OCA2: variants seen among roughly 807,000 people sequenced by gnomAD.
OCA2 encodes P protein.
OCA2 carries 77 observed loss-of-function variants against 100.2 expected under a neutral mutation model. The observed-to-expected ratio is 0.77, with a 90% CI of 0.64 to 0.93. The LOEUF is 0.93. OCA2 is among the 40% of genes least tolerant of loss of function. The pLI is 0.00. For synonymous variants in OCA2, 432 were observed against 439.2 expected (o/e 0.98, Z 0.21); for missense variants, 1,062 against 1,089.1 (o/e 0.98, Z 0.35).
intron 2 of OCA2, 61 bp downstream of exon 2, chr15:28,081,587 C>T (rs574636465): frequency 4.6e-6 from 7 of 1,515,424 alleles, no homozygotes; most frequent in Non-Finnish European, 6.4e-6. Context: ...GGGAACGATG[C>T]TCATGGAAAC....
intron 23 of OCA2, among the ~76,000 whole-genome samples, chr15:27,836,746 A>G (rs1333003731): frequency 6.6e-6 from 1 of 152,248 alleles, no homozygotes; most frequent in East Asian, 1.9e-4. Context: ...CTGTTAGTCA[A>G]TGGTAATGAT....
chr15:28,071,577 A>T (rs1041600213), intron 2 of OCA2, among the ~76,000 whole-genome samples: 1 of 152,188 alleles, frequency 6.6e-6, no homozygotes, highest in African/African-American at 2.4e-5. Context: ...AGACACACAG[A>T]CCACTGGAAC....
At chr15:27,736,011 T>C in the OCA2 span, among the ~76,000 whole-genome samples, 1 of 152,160 alleles carries the variant, frequency 6.6e-6, no homozygotes, top group East Asian at 1.9e-4. Context: ...GATAACTATG[T>C]AAGGTAATAC....
At chr15:27,881,761 T>C (rs1400210268) in intron 19 of OCA2, among the ~76,000 whole-genome samples, 2 of 152,180 alleles carry the variant, frequency 1.3e-5, no homozygotes, top group African/African-American at 4.8e-5. Flanking sequence ...TCTTCTCTCT[T>C]TTCTTCTTTA....
At chr15:27,849,349 T>C (rs2035661445) in intron 22 of OCA2, among the ~76,000 whole-genome samples, 1 of 152,212 alleles carries the variant, frequency 6.6e-6, no homozygotes, top group African/African-American at 2.4e-5. Flanking sequence ...CTCTCCACGC[T>C]CACTTCACTT....
intron 14 of OCA2, among the ~76,000 whole-genome samples, chr15:27,973,822 A>G (rs186948065): frequency 2.0e-5 from 3 of 152,162 alleles, no homozygotes; most frequent in Admixed American, 6.6e-5. Flanking sequence ...TAAGTATGGG[A>G]TGCATTTCCA....
chr15:27,777,667 T>C (rs2032313017), intron 23 of OCA2, among the ~76,000 whole-genome samples: 1 of 152,194 alleles, frequency 6.6e-6, no homozygotes, highest in Non-Finnish European at 1.5e-5. Context: ...ATCAGGGGCT[T>C]ATCAGAGTGG....
chr15:27,839,445 A>G (rs1426394720), intron 23 of OCA2, among the ~76,000 whole-genome samples: 1 of 152,242 alleles, frequency 6.6e-6, no homozygotes. Flanking sequence ...GCAAGTCCCA[A>G]CAGTCTATAT....
intron 14 of OCA2, among the ~76,000 whole-genome samples, chr15:27,977,302 A>C (rs2041002614): frequency 6.6e-6 from 1 of 152,020 alleles, no homozygotes; most frequent in South Asian, 2.1e-4. Flanking sequence ...TTCTGATTCC[A>C]TAGGATAAAG....
chr15:27,973,100 C>G (rs562635657), intron 14 of OCA2, among the ~76,000 whole-genome samples: 11 of 152,168 alleles, frequency 7.2e-5, no homozygotes, highest in African/African-American at 2.7e-4. Flanking sequence ...TAACTCCTGA[C>G]CTGAAGTGAT....
At chr15:27,859,796 G>A (rs142293718) in intron 21 of OCA2, among the ~76,000 whole-genome samples, 11 of 152,242 alleles carry the variant, frequency 7.2e-5, no homozygotes, top group South Asian at 2.1e-4. Flanking sequence ...AGAAAGGAAC[G>A]GAAGGAAGCC....
chr15:27,722,046 C>T, the OCA2 span, among the ~76,000 whole-genome samples: 15 of 152,194 alleles, frequency 9.9e-5, no homozygotes, highest in Non-Finnish European at 1.6e-4. Context: ...CTTAATGCTG[C>T]GTGGACATTT....
chr15:27,767,999 G>A (rs1371160584), intron 23 of OCA2, among the ~76,000 whole-genome samples: 1 of 152,188 alleles, frequency 6.6e-6, no homozygotes, highest in African/African-American at 2.4e-5. Flanking sequence ...GTGGAGGAAG[G>A]GGGAATAGTG....
intron 23 of OCA2, among the ~76,000 whole-genome samples, chr15:27,824,617 T>TATATA (rs1555412067): frequency 7.7e-6 from 1 of 130,112 alleles, no homozygotes; most frequent in Non-Finnish European, 1.6e-5. Context: ...TATATATATA[T>TATATA]ATATAATATA....
At chr15:27,989,865 C>G (rs2041491735) in intron 10 of OCA2, among the ~76,000 whole-genome samples, 199 bp from the exon 11 acceptor site, 1 of 152,170 alleles carries the variant, frequency 6.6e-6, no homozygotes, top group Non-Finnish European at 1.5e-5. Context: ...AATGTCAAAT[C>G]TATGCATTTA....
intron 23 of OCA2, among the ~76,000 whole-genome samples, chr15:27,805,871 A>G (rs1397245351): frequency 1.3e-5 from 2 of 152,168 alleles, no homozygotes; most frequent in African/African-American, 2.4e-5. Flanking sequence ...CGTGGGATTC[A>G]AAGGCCACAG....
At chr15:28,002,029 G>T (rs576135076) in intron 9 of OCA2, among the ~76,000 whole-genome samples, 4 of 152,316 alleles carry the variant, frequency 2.6e-5, no homozygotes, top group Admixed American at 2.6e-4. Flanking sequence ...CACTGACACG[G>T]CAAACACTGG....
rs555395168 is a variant in OCA2, at chr15:27,926,268, A to G, written c.1952-14T>C. 1.2e-5 allele frequency: 20 copies of G among 1,613,876 alleles called. No homozygotes were observed. In the South Asian group the frequency reaches 2.2e-4, roughly 18 times the overall value. On this transcript the variant is annotated splice_polypyrimidine_tract_variant and intron_variant, in intron 18 of 23. Transcript: ENST00000354638. ...TAGCAATCCATCCTGAAAATAAGTA[A>G]ATAGACATAGAGATATAGTTCCACT... is the stretch of plus-strand genomic sequence containing the variant.
At chr15:27,877,270 A>G (rs536309790) in intron 19 of OCA2, among the ~76,000 whole-genome samples, 2 of 152,042 alleles carry the variant, frequency 1.3e-5, no homozygotes, top group East Asian at 3.9e-4. Context: ...TGGTGAATTG[A>G]CCGTGCACGC....
Sources: allele counts gnomAD v4.1 joint callset (sites outside exome capture counted in the v4.1 genomes callset), GRCh38; gene constraint gnomAD v4.1.1; transcripts MANE v1.5; gene names NCBI Gene and HGNC (gene_info 2026-07-23, HGNC 2026-07-21).